Variants in FHIP1A observed in about 807,000 individuals in gnomAD.
The protein encoded by FHIP1A is FHF complex subunit HOOK-interacting protein 1A.
In FHIP1A, 61 loss-of-function variants were observed where a neutral mutation model predicts 88.6. The ratio of observed to expected loss-of-function variants is 0.69; its 90% CI spans 0.56 to 0.85. The LOEUF is 0.85. Ranked by LOEUF, FHIP1A falls within the 40% of genes least tolerant of loss-of-function variation. The pLI, the probability that FHIP1A is intolerant of heterozygous loss-of-function variation, is 0.00. For synonymous variants in FHIP1A, 478 were observed against 496.0 expected (o/e 0.96, Z 0.48); for missense variants, 1,154 against 1,273.5 (o/e 0.91, Z 1.43).
intron 3 of FHIP1A, among the ~76,000 whole-genome samples, chr4:151,505,002 C>T (rs188558421): frequency 7.2e-5 from 11 of 152,210 alleles, no homozygotes; most frequent in Non-Finnish European, 1.2e-4. Context: ...GCCCATTACC[C>T]CCCGACCCAG....
chr4:151,596,520 A>G (rs565279319), intron 7 of FHIP1A, among the ~76,000 whole-genome samples: 3 of 151,510 alleles, frequency 2.0e-5, no homozygotes, highest in African/African-American at 7.3e-5. Context: ...TCTTCTCGAG[A>G]TGTATCTTTG....
At chr4:151,542,474 C>A (rs1033673306) in intron 3 of FHIP1A, among the ~76,000 whole-genome samples, 5 of 152,028 alleles carry the variant, frequency 3.3e-5, no homozygotes, top group African/African-American at 1.2e-4. Flanking sequence ...TGGCTTAGTC[C>A]CTCATCACTG....
intron 1 of FHIP1A, among the ~76,000 whole-genome samples, chr4:151,420,909 G>A (rs1445125398): frequency 6.6e-6 from 1 of 152,248 alleles, no homozygotes; most frequent in African/African-American, 2.4e-5. Context: ...TCTCAATGCA[G>A]TGCTCCGGAG....
intron 3 of FHIP1A, among the ~76,000 whole-genome samples, chr4:151,521,232 A>G (rs929320201): frequency 6.6e-6 from 1 of 152,220 alleles, no homozygotes; most frequent in East Asian, 1.9e-4. Context: ...AATTTGTGGT[A>G]TGTAGGCTAC....
chr4:151,510,974 A>G (rs1248700669), intron 3 of FHIP1A, among the ~76,000 whole-genome samples: 1 of 152,120 alleles, frequency 6.6e-6, no homozygotes, highest in Non-Finnish European at 1.5e-5. Flanking sequence ...TCTTGCCTTT[A>G]AAGACTTTAT....
intron 5 of FHIP1A, among the ~76,000 whole-genome samples, chr4:151,579,631 A>G (rs750644225): frequency 1.9e-4 from 29 of 152,190 alleles, no homozygotes; most frequent in Non-Finnish European, 3.8e-4. Flanking sequence ...AAGATATCTT[A>G]AAATAAATCC....
chr4:151,431,676 A>T (rs927993641), intron 1 of FHIP1A, among the ~76,000 whole-genome samples: 1 of 152,228 alleles, frequency 6.6e-6, no homozygotes, highest in African/African-American at 2.4e-5. Flanking sequence ...AGGTCATGAA[A>T]AGTTAATGAG....
chr4:151,466,181 C>A (rs998219799), intron 2 of FHIP1A, among the ~76,000 whole-genome samples: 10 of 152,042 alleles, frequency 6.6e-5, no homozygotes, highest in African/African-American at 2.4e-4. Context: ...TTTGTAGACA[C>A]CAACAATAGA....
At chr4:151,453,296 A>G (rs1198783701) in intron 1 of FHIP1A, among the ~76,000 whole-genome samples, 3 of 152,136 alleles carry the variant, frequency 2.0e-5, no homozygotes, top group African/African-American at 7.2e-5. Context: ...GATTACAGGC[A>G]TGAGCCACTG....
At chr4:151,574,494 C>T (rs898259106) in intron 4 of FHIP1A, among the ~76,000 whole-genome samples, 15 of 151,976 alleles carry the variant, frequency 9.9e-5, no homozygotes, top group African/African-American at 3.1e-4. Context: ...CTGTATCTTT[C>T]ATATTTGCAT....
intron 2 of FHIP1A, among the ~76,000 whole-genome samples, chr4:151,466,128 CAG>C (rs1335585443): frequency 2.6e-5 from 4 of 152,180 alleles, no homozygotes; most frequent in Non-Finnish European, 5.9e-5. Flanking sequence ...GCAACTTCAG[CAG>C]AGTTTCAGGA....
chr4:151,432,013 C>G (rs901063956), intron 1 of FHIP1A, among the ~76,000 whole-genome samples: 2 of 152,196 alleles, frequency 1.3e-5, no homozygotes, highest in Non-Finnish European at 2.9e-5. Context: ...TGTAGTACAG[C>G]CTTTCCTCTG....
chr4:151,656,449 G>C lies in FHIP1A; in HGVS notation c.2730+39G>C. ...ACCCACATCCACACCTGTTGATTTT[G>C]TGGGTGCTAATTTGCAGGGCATCTA... On this transcript the variant is annotated intron_variant, in intron 12 of 13. Transcript: ENST00000435205. This position sits in a 1 kb window ranked among gnomAD's most constrained non-coding sequence, Gnocchi z 4.2. The C allele has an allele frequency of 6.5e-7, 1 of 1,533,086 alleles. No homozygotes were observed. The allele number at this position is 1,533,086 out of a possible 1,614,324, so 95.0% of individuals were successfully genotyped here.
chr4:151,531,257 A>G (rs572354455), intron 3 of FHIP1A, among the ~76,000 whole-genome samples: 1 of 151,870 alleles, frequency 6.6e-6, no homozygotes, highest in South Asian at 2.1e-4. Context: ...TTCAGGCATA[A>G]TATCTGCTGA....
chr4:151,455,623 G>A (rs1293991466), intron 2 of FHIP1A, among the ~76,000 whole-genome samples: 2 of 152,170 alleles, frequency 1.3e-5, no homozygotes, highest in East Asian at 3.9e-4. Flanking sequence ...TCAGGGAGAT[G>A]CCACTTCTTC....
intron 5 of FHIP1A, among the ~76,000 whole-genome samples, chr4:151,585,174 T>C (rs1288521703): frequency 6.6e-6 from 1 of 152,006 alleles, no homozygotes; most frequent in African/African-American, 2.4e-5. Flanking sequence ...AAGCCTTTTG[T>C]AGCTGGCTTT....
Position 151,656,795 on chromosome 4 carries a change from T to G in FHIP1A, c.2766T>G (p.Phe922Leu). 6.4e-7 allele frequency: 1 copy of G among 1,551,732 alleles called. No individual in the cohort carries two copies. Among genetic ancestry groups the G allele is most frequent in the Non-Finnish European group, 8.7e-7 (1 of 1,146,982 alleles). ...CTGTGAAAAACAAGATTGAACAGTT[T>G]GCTTCTGTGGAGAGAGACTTCCCAG... Reference protein sequence around the residue: ...LASVKNKIEQFASVERDFPGL... With the variant: ...LASVKNKIEQLASVERDFPGL... Residue 922 changes from phenylalanine to leucine, a missense_variant, in exon 13 of 14, where the codon TTT becomes TTG. Coordinates refer to ENST00000435205, the MANE Select transcript of FHIP1A (RefSeq NM_001109977.3). The surrounding 1 kb of genome is among the most constrained non-coding windows in gnomAD (Gnocchi z 4.2).
At chr4:151,647,578 A>C (rs533612778) in intron 10 of FHIP1A, among the ~76,000 whole-genome samples, 4 of 152,320 alleles carry the variant, frequency 2.6e-5, no homozygotes, top group African/African-American at 9.6e-5. Flanking sequence ...AAATGTCAGT[A>C]TGTTTGATAT....
At chr4:151,517,668 C>G (rs139506849) in intron 3 of FHIP1A, among the ~76,000 whole-genome samples, 76 of 152,076 alleles carry the variant, frequency 5.0e-4, no homozygotes, top group African/African-American at 1.7e-3. Flanking sequence ...GAACTGTGGT[C>G]CCCTAAGATT....
Sources: gnomAD v4.1 joint callset for allele counts (sites outside exome capture counted in the v4.1 genomes callset) on GRCh38, gnomAD v4.1.1 for gene constraint, Gnocchi (gnomAD v3.1) non-coding constraint, MANE v1.5 for transcripts, NCBI Gene and HGNC (gene_info 2026-07-23, HGNC 2026-07-21) for gene names.